The following CSMD1 variants were observed in gnomAD, a reference collection of about 807,000 sequenced individuals.
The protein encoded by CSMD1 is CUB and Sushi multiple domains 1.
A neutral mutation model predicts 417.5 loss-of-function variants in CSMD1; 213 were observed. That is an observed-to-expected ratio of 0.51 (90% confidence interval 0.46 to 0.57). CSMD1 has a LOEUF of 0.57. Ranked by LOEUF, CSMD1 falls within the 20% of genes least tolerant of loss-of-function variation. CSMD1 has a pLI of 0.00. For synonymous variants in CSMD1, 2,862 were observed against 1,736.8 expected (o/e 1.65, Z -16.11); for missense variants, 6,923 against 4,529.7 (o/e 1.53, Z -15.17).
rs1171532041 is a variant in CSMD1, at chr8:3,461,363, G to A, written c.1561+7349C>T. Among the ~76,000 whole-genome samples, 4 of 152,190 alleles carry A rather than the reference G, an allele frequency of 2.6e-5. No individual in the cohort carries two copies. In the East Asian group the frequency reaches 7.7e-4, roughly 29 times the overall value. ...GCTTGGAGAGTATGCTGGGAAGGAT[G>A]TGCTGCTGTCCTCTGGATGTGGTCT... On this transcript the variant is annotated intron_variant, in intron 12 of 69. Transcript: ENST00000635120.
chr8:4,446,912 C>T (rs966284287), intron 2 of CSMD1, among the ~76,000 whole-genome samples: 1 of 150,526 alleles, frequency 6.6e-6, no homozygotes, highest in African/African-American at 2.5e-5. Context: ...TGAGCCATTG[C>T]GCCTGGCAGA....
intron 3 of CSMD1, among the ~76,000 whole-genome samples, chr8:4,124,446 G>C (rs17404711): frequency 0.16 from 24,344 of 152,050 alleles, 2,138 homozygotes; most frequent in South Asian, 0.33. Flanking sequence ...GGAAACCCAC[G>C]AAGCTGCAGA....
chr8:4,777,209 C>G (rs10503281), intron 1 of CSMD1, among the ~76,000 whole-genome samples: 25,255 of 152,184 alleles, frequency 0.17, 2,212 homozygotes, highest in East Asian at 0.28. Flanking sequence ...TTACCAAAGA[C>G]AGCTAAACCA....
chr8:4,696,490 G>C (rs1010023764), intron 1 of CSMD1, among the ~76,000 whole-genome samples: 2 of 152,214 alleles, frequency 1.3e-5, no homozygotes, highest in African/African-American at 2.4e-5. Context: ...GGGAACTTCA[G>C]AGATCTGTAG....
intron 9 of CSMD1, among the ~76,000 whole-genome samples, chr8:3,584,969 G>A (rs189010805): frequency 1.3e-5 from 2 of 152,126 alleles, no homozygotes; most frequent in South Asian, 2.1e-4. Context: ...ACAAAAAGAA[G>A]GGGACAGCCA....
At chr8:3,767,779 G>A (rs563613496) in intron 5 of CSMD1, among the ~76,000 whole-genome samples, 10 of 152,276 alleles carry the variant, frequency 6.6e-5, no homozygotes, top group African/African-American at 1.9e-4. Flanking sequence ...AGAGAACAGT[G>A]CTCTCATCTT....
At chr8:4,074,218 T>C (rs1799705470) in intron 3 of CSMD1, among the ~76,000 whole-genome samples, 1 of 152,082 alleles carries the variant, frequency 6.6e-6, no homozygotes, top group South Asian at 2.1e-4. Context: ...ACACAAATTA[T>C]ACAGCTTTTT....
chr8:4,183,592 A>T (rs563524332), intron 3 of CSMD1, among the ~76,000 whole-genome samples: 2 of 152,346 alleles, frequency 1.3e-5, no homozygotes, highest in African/African-American at 2.4e-5. Flanking sequence ...GTAAAAATTC[A>T]TAATTTTGAA....
intron 7 of CSMD1, among the ~76,000 whole-genome samples, chr8:3,676,867 G>A (rs1251492433): frequency 6.6e-6 from 1 of 152,092 alleles, no homozygotes; most frequent in Non-Finnish European, 1.5e-5. Flanking sequence ...CATGGATGAA[G>A]CTGGAAACCA....
intron 3 of CSMD1, among the ~76,000 whole-genome samples, chr8:4,049,892 C>T (rs1259994731): frequency 7.9e-6 from 1 of 126,988 alleles, no homozygotes; most frequent in African/African-American, 3.1e-5. Context: ...TTTTAAGTAA[C>T]GTTCGCTTTC....
chr8:3,358,859 C>G (rs1000068089), intron 21 of CSMD1, among the ~76,000 whole-genome samples: 1 of 151,756 alleles, frequency 6.6e-6, no homozygotes, highest in African/African-American at 2.4e-5. Flanking sequence ...TTCTCTCTCT[C>G]CGTATATATA....
chr8:4,418,834 ACT>A (rs1426732914), intron 3 of CSMD1, among the ~76,000 whole-genome samples: 7 of 152,166 alleles, frequency 4.6e-5, no homozygotes, highest in Admixed American at 1.3e-4. Context: ...CTTTCCAGCC[ACT>A]GACGCTGGCT....
At chr8:3,305,675 C>A (rs889055924) in intron 25 of CSMD1, among the ~76,000 whole-genome samples, 1 of 152,128 alleles carries the variant, frequency 6.6e-6, no homozygotes, top group African/African-American at 2.4e-5. Flanking sequence ...TCTTAACTTA[C>A]TAAGTCTGTA....
intron 1 of CSMD1, among the ~76,000 whole-genome samples, chr8:4,887,819 T>G (rs1302563953): frequency 6.6e-6 from 1 of 152,084 alleles, no homozygotes; most frequent in African/African-American, 2.4e-5. Context: ...TGTTTTAAAG[T>G]CTTTTTTGAG....
chr8:3,911,445 G>A (rs2912266), intron 5 of CSMD1, among the ~76,000 whole-genome samples: 25,226 of 151,118 alleles, frequency 0.17, 2,350 homozygotes, highest in East Asian at 0.33. Context: ...GGAGAATGGC[G>A]TGAACCCGCG....
At chr8:4,128,342 C>G (rs552654150) in intron 3 of CSMD1, among the ~76,000 whole-genome samples, 2 of 152,108 alleles carry the variant, frequency 1.3e-5, no homozygotes, top group Non-Finnish European at 2.9e-5. Flanking sequence ...GAGACAAGAA[C>G]GTGAACCAAG....
At chr8:3,924,736 T>G (rs1156486184) in intron 5 of CSMD1, among the ~76,000 whole-genome samples, 1 of 151,704 alleles carries the variant, frequency 6.6e-6, no homozygotes, top group Non-Finnish European at 1.5e-5. Context: ...ACCTCTTTGT[T>G]GAACTACTCA....
intron 49 of CSMD1, among the ~76,000 whole-genome samples, chr8:3,058,435 T>C (rs1812378475): frequency 6.6e-6 from 1 of 152,336 alleles, no homozygotes; most frequent in African/African-American, 2.4e-5. Context: ...ACCAACTTTC[T>C]TGATACACGA....
chr8:3,789,370 T>A (rs894402020), intron 5 of CSMD1, among the ~76,000 whole-genome samples: 6 of 147,338 alleles, frequency 4.1e-5, no homozygotes, highest in African/African-American at 1.5e-4. Flanking sequence ...GTATTGCTAG[T>A]GTTTTTTTTT....
Sources: allele counts gnomAD v4.1 joint callset (sites outside exome capture counted in the v4.1 genomes callset), GRCh38; gene constraint gnomAD v4.1.1; transcripts MANE v1.5; gene names NCBI Gene and HGNC (gene_info 2026-07-23, HGNC 2026-07-21).